PNKD: variants seen among roughly 807,000 people sequenced by gnomAD.
PNKD encodes probable thioesterase PNKD.
Under a neutral mutation model 45.3 loss-of-function variants are expected in PNKD, and 36 were observed. The ratio of observed to expected loss-of-function variants is 0.80; its 90% CI spans 0.61 to 1.05. The LOEUF (loss-of-function observed/expected upper bound fraction) is 1.05. Ranked by LOEUF, PNKD falls within the 50% of genes least tolerant of loss-of-function variation. The pLI, the probability that PNKD is intolerant of heterozygous loss-of-function variation, is 0.00. For synonymous variants in PNKD, 197 were observed against 210.1 expected (o/e 0.94, Z 0.54); for missense variants, 511 against 506.6 (o/e 1.01, Z -0.08).
intron 2 of PNKD, among the ~76,000 whole-genome samples, chr2:218,302,530 G>T (rs1693297410): frequency 6.6e-6 from 1 of 152,200 alleles, no homozygotes; most frequent in Non-Finnish European, 1.5e-5. Flanking sequence ...AAAGAGCTTG[G>T]CATGTTCCAG....
rs1200823392 is a variant in PNKD at position 218,297,700 on chromosome 2, A to AC, written c.236+26151_236+26152insC. ...ACTCCGTCTCAAAAAAAAAAAAAAA[A>AC]AAAAAAAGAGAGAAGAAAAGAAATC... On this transcript the variant is annotated intron_variant, in intron 2 of 9. Coordinates refer to ENST00000273077, the MANE Select transcript of PNKD (RefSeq NM_015488.5). Among the ~76,000 whole-genome samples the AC allele has an allele frequency of 3.7e-4, 55 of 146,672 alleles. 1 individual carries two copies. The highest frequency in any genetic ancestry group is 1.1e-3 in the African/African-American group (45 of 39,402).
chr2:218,298,266 C>T (rs1284179638), intron 2 of PNKD, among the ~76,000 whole-genome samples: 1 of 152,146 alleles, frequency 6.6e-6, no homozygotes, highest in Non-Finnish European at 1.5e-5. Flanking sequence ...ACCTGAGCTG[C>T]TTGTGAAAAC....
At chr2:218,308,256 G>A (rs932357225) in intron 2 of PNKD, among the ~76,000 whole-genome samples, 1 of 146,602 alleles carries the variant, frequency 6.8e-6, no homozygotes, top group Admixed American at 7.0e-5. Flanking sequence ...GTGCCATCTC[G>A]GCTCACTGTA....
chr2:218,272,491 A>C (rs1690882675), intron 2 of PNKD: 1 of 1,308,176 alleles, frequency 7.6e-7, no homozygotes, highest in Admixed American at 1.7e-5. Context: ...CAACTGATGA[A>C]GCTAGAATGA....
At chr2:218,293,449 C>T (rs1693047819) in intron 2 of PNKD, among the ~76,000 whole-genome samples, 1 of 152,148 alleles carries the variant, frequency 6.6e-6, no homozygotes, top group South Asian at 2.1e-4. Flanking sequence ...CGAGCCTTGC[C>T]TGAGTTTCTG....
intron 2 of PNKD, among the ~76,000 whole-genome samples, chr2:218,316,496 C>T (rs1693819611): frequency 6.6e-6 from 1 of 152,094 alleles, no homozygotes; most frequent in Admixed American, 6.6e-5. Flanking sequence ...GTTTCGAACT[C>T]CTGAGCTCAG....
At chr2:218,331,628 C>T (rs146686314) in intron 2 of PNKD, among the ~76,000 whole-genome samples, 6,985 of 151,946 alleles carry the variant, frequency 0.046, 523 homozygotes, top group African/African-American at 0.16. Context: ...CCATCATGCC[C>T]GGCTAATTTT....
chr2:218,272,989 A>C (rs1016527264), intron 2 of PNKD: 2 of 1,336,948 alleles, frequency 1.5e-6, no homozygotes, highest in South Asian at 3.0e-5. Context: ...GGAGGGGCAG[A>C]GGGTGGGGCT....
chr2:218,318,407 A>G (rs921291550), intron 2 of PNKD, among the ~76,000 whole-genome samples: 3 of 152,222 alleles, frequency 2.0e-5, no homozygotes, highest in African/African-American at 4.8e-5. Context: ...GTTCTCCTGC[A>G]GCTTCCTCTG....
At chr2:218,274,360 G>A (rs1029322783) in intron 2 of PNKD, 1 of 154,748 alleles carries the variant, frequency 6.5e-6, no homozygotes, top group Non-Finnish European at 1.5e-5. Flanking sequence ...CCCCATTCCA[G>A]CTCAAGGCAC....
chr2:218,332,168 G>T (rs943512880), intron 2 of PNKD, among the ~76,000 whole-genome samples: 2 of 152,336 alleles, frequency 1.3e-5, no homozygotes, highest in Admixed American at 6.5e-5. Context: ...CTTTTTGCCA[G>T]TGCTTTGCAG....
chr2:218,314,719 T>C lies in PNKD; in HGVS notation c.237-25064T>C, dbSNP rs143331024. 1.7e-4 allele frequency among the ~76,000 whole-genome samples: 26 copies of C among 151,274 alleles called. 2 individuals carry two copies. The East Asian group carries it at 4.9e-3, about 29-fold the overall frequency. On this transcript the variant is annotated intron_variant, in intron 2 of 9. Transcript: ENST00000273077. ...TTTTTTTTTTCTTTTTGAGAGAGTC[T>C]CACTCTGTCGCCCAGGCTGGAGTGC...
chr2:218,295,765 G>A (rs1693125711), intron 2 of PNKD, among the ~76,000 whole-genome samples: 1 of 152,136 alleles, frequency 6.6e-6, no homozygotes, highest in East Asian at 1.9e-4. Flanking sequence ...AGGCTCTGGT[G>A]GTGCCCCTGG....
Position 218,346,088 on chromosome 2 carries a change from G to A in PNKD, c.*1107G>A, listed in dbSNP as rs1374284602. The A allele has an allele frequency of 3.9e-5, 6 of 152,338 alleles. No homozygotes were observed. Among genetic ancestry groups the A allele is most frequent in the South Asian group, 2.1e-4 (1 of 4,834 alleles). 9.4% of individuals were successfully genotyped at this position (152,338 alleles called of 1,614,324 possible). A position where few individuals can be genotyped will look rare whatever the true frequency, so the allele number is the denominator to read the frequency against. ...TTGGAAATCAGAAGTCTGTGAGAGCGCGGGAGTGCATGGCAGCTCTGGGTC... is the reference window on the plus strand; with the variant it reads ...TTGGAAATCAGAAGTCTGTGAGAGCACGGGAGTGCATGGCAGCTCTGGGTC... On this transcript the variant is annotated 3_prime_UTR_variant, in exon 10 of 10. Transcript: ENST00000273077.
chr2:218,291,032 G>A (rs986115051), intron 2 of PNKD, among the ~76,000 whole-genome samples: 1 of 152,190 alleles, frequency 6.6e-6, no homozygotes, highest in Non-Finnish European at 1.5e-5. Flanking sequence ...GGCCCAGGGT[G>A]AGGCCTGCGG....
chr2:218,273,038 TC>T, intron 2 of PNKD: 1 of 946,706 alleles, frequency 1.1e-6, no homozygotes, highest in South Asian at 1.8e-5. Flanking sequence ...AGCTCAGTGT[TC>T]CCAGCTGGAT....
Position 218,326,085 on chromosome 2 carries a change from C to T in PNKD, c.237-13698C>T, listed in dbSNP as rs1444696664. Among the ~76,000 whole-genome samples the T allele has an allele frequency of 7.0e-6, 1 of 142,012 alleles. No homozygotes were observed. The highest frequency in any genetic ancestry group is 1.5e-5 in the Non-Finnish European group (1 of 65,754). The allele number at this position is 142,012 out of a possible 152,430, so 93.2% of individuals were successfully genotyped here. On this transcript the variant is annotated intron_variant, in intron 2 of 9. Coordinates refer to ENST00000273077, the MANE Select transcript of PNKD (RefSeq NM_015488.5). The surrounding 1 kb of genome is among the most constrained non-coding windows in gnomAD (Gnocchi z 4.1). ...GGGAGGGAGGGGGAACGGAATGGGA[C>T]AGGACATGATGGGGAGGGGGAGGGC...
At chr2:218,343,127 T>C (rs7592003) in intron 7 of PNKD, among the ~76,000 whole-genome samples, 1 of 152,178 alleles carries the variant, frequency 6.6e-6, no homozygotes, top group African/African-American at 2.4e-5. Context: ...GCTAGGTGAG[T>C]GGGTGGGTGA....
chr2:218,272,635 G>A (rs1245108087), intron 2 of PNKD: 14 of 1,614,056 alleles, frequency 8.7e-6, no homozygotes, highest in African/African-American at 4.0e-5. Context: ...GACAAGGACC[G>A]TGTGAAGCAG....
Sources: gnomAD v4.1 joint callset for allele counts (sites outside exome capture counted in the v4.1 genomes callset) on GRCh38, gnomAD v4.1.1 for gene constraint, Gnocchi (gnomAD v3.1) non-coding constraint, MANE v1.5 for transcripts, NCBI Gene and HGNC (gene_info 2026-07-23, HGNC 2026-07-21) for gene names.